The following PI4KA variants were observed in gnomAD, a reference collection of about 807,000 sequenced individuals.
PI4KA encodes phosphatidylinositol 4-kinase alpha, also known as PI4-kinase alpha.
PI4KA carries 122 observed loss-of-function variants against 271.4 expected under a neutral mutation model. The ratio of observed to expected loss-of-function variants is 0.45; its 90% CI spans 0.39 to 0.52. The LOEUF is 0.52. PI4KA is among the 20% of genes least tolerant of loss of function. The probability of loss-of-function intolerance (pLI) is 0.00; values close to 1 mark genes in which losing one functional copy is unlikely to be tolerated. For synonymous variants in PI4KA, 1,041 were observed against 1,078.8 expected (o/e 0.96, Z 0.69); for missense variants, 1,969 against 2,769.1 (o/e 0.71, Z 6.48).
intron 45 of PI4KA, among the ~76,000 whole-genome samples, chr22:20,716,525 G>C (rs941820067): frequency 3.3e-5 from 5 of 152,270 alleles, no homozygotes; most frequent in African/African-American, 1.2e-4. Flanking sequence ...TACAGGGAGA[G>C]GGGGGCATGC....
At chr22:20,729,824 C>T (rs1927800821) in intron 37 of PI4KA, 68 bp downstream of exon 37, 1 of 1,605,120 alleles carries the variant, frequency 6.2e-7, no homozygotes, top group Non-Finnish European at 8.5e-7. Context: ...AGCAAGTGTC[C>T]ATCAAGCAGC....
At position 20,819,716 on chromosome 22, in the gene PI4KA, G is replaced by A. The variant is rs1351299098; in HGVS notation, c.714C>T (p.Leu238=). The change falls in exon 6 of 55, where the codon CTC becomes CTT. Residue 238 remains leucine (L), a synonymous_variant. Coordinates refer to ENST00000255882, the MANE Select transcript of PI4KA (RefSeq NM_058004.4). The part of the protein sequence containing the change: ...RRSFNDFRSI[L]PSNLLTVCQE... ...GACAGACAGTCAGCAGATTGCTGGG[G>A]AGGATGGAGCGGAAGTCATTAAAGG... 1 of 1,614,068 alleles carries A rather than the reference G, an allele frequency of 6.2e-7. No homozygotes were observed. The highest frequency in any genetic ancestry group is 1.1e-5 in the South Asian group (1 of 91,078).
chr22:20,797,441 A>T (rs768791301), intron 17 of PI4KA, among the ~76,000 whole-genome samples: 38 of 152,142 alleles, frequency 2.5e-4, no homozygotes, highest in Admixed American at 5.2e-4. Flanking sequence ...GCAGTCACAT[A>T]GGCGCAAGGA....
intron 1 of PI4KA, among the ~76,000 whole-genome samples, chr22:20,839,702 C>T (rs980163754): frequency 7.9e-5 from 12 of 152,050 alleles, no homozygotes; most frequent in African/African-American, 1.9e-4. Context: ...TGGTGGCGAG[C>T]GGCTGTAATC....
At chr22:20,759,816 C>T (rs1931767085) in intron 23 of PI4KA, among the ~76,000 whole-genome samples, 1 of 152,124 alleles carries the variant, frequency 6.6e-6, no homozygotes, top group South Asian at 2.1e-4. Context: ...CTGCCTGCCT[C>T]GGCCTCTCAA....
rs751361461 is a variant in PI4KA, at chr22:20,747,566, A to G, written c.3363+17T>C. On this transcript the variant is annotated intron_variant, in intron 29 of 54. Coordinates refer to ENST00000255882, the MANE Select transcript of PI4KA (RefSeq NM_058004.4). ...ATGGTCTAAGGGGTCACTGCTCTTC[A>G]GAAGGCTCGCACATACCCCAAGAGT... 6.2e-7 allele frequency: 1 copy of G among 1,613,236 alleles called. No individual in the cohort carries two copies. The highest frequency in any genetic ancestry group is 1.3e-5 in the African/African-American group (1 of 74,998).
At chr22:20,779,900 G>A (rs779787852) in intron 19 of PI4KA, 83 of 1,614,026 alleles carry the variant, frequency 5.1e-5, no homozygotes, top group Admixed American at 6.7e-5. Context: ...ATGAAATCAC[G>A]ACCATTCATA....
At chr22:20,808,778 A>G (rs1346384981) in intron 9 of PI4KA, among the ~76,000 whole-genome samples, 1 of 151,756 alleles carries the variant, frequency 6.6e-6, no homozygotes, top group Non-Finnish European at 1.5e-5. Context: ...TCCTGGGCTC[A>G]AGTGATCCTC....
At chr22:20,833,018 A>G (rs563628767) in intron 3 of PI4KA, among the ~76,000 whole-genome samples, 2 of 152,110 alleles carry the variant, frequency 1.3e-5, no homozygotes, top group South Asian at 4.2e-4. Flanking sequence ...TTCATTGGCT[A>G]ATGTTCTTTC....
rs1186450931 is a variant in PI4KA at position 20,811,118 on chromosome 22, C to T, written c.1006-86G>A. 6 of 965,734 alleles carry T rather than the reference C, an allele frequency of 6.2e-6. No individual in the cohort carries two copies. In the Admixed American group the frequency reaches 8.6e-5, roughly 14 times the overall value. The allele number at this position is 965,734 out of a possible 1,614,324, so 59.8% of individuals were successfully genotyped here. On this transcript the variant is annotated intron_variant, in intron 8 of 54. Transcript: ENST00000255882. ...CCTTCTACCGAAAACCCATGACAAA[C>T]TCACATGGTGAAAAATGTGATGCAG...
chr22:20,753,688 T>C (rs1265157889), intron 23 of PI4KA, among the ~76,000 whole-genome samples: 1 of 152,164 alleles, frequency 6.6e-6, no homozygotes, highest in Non-Finnish European at 1.5e-5. Context: ...CCTTTCTTTT[T>C]TCTTTCTCTT....
chr22:20,798,817 C>A, intron 16 of PI4KA, 130 bp from the exon 17 acceptor site: 1 of 694,192 alleles, frequency 1.4e-6, no homozygotes, highest in Non-Finnish European at 2.5e-6. Context: ...AAAGATCATC[C>A]ATTTCTAAAG....
intron 1 of PI4KA, 77 bp from the exon 2 acceptor site, chr22:20,838,808 T>C: frequency 1.2e-6 from 1 of 828,832 alleles, no homozygotes; most frequent in East Asian, 2.5e-5. Context: ...CTGAGTGCAG[T>C]GTCATATGCC....
At chr22:20,788,090 G>C (rs534035636) in intron 19 of PI4KA, among the ~76,000 whole-genome samples, 1 of 152,326 alleles carries the variant, frequency 6.6e-6, no homozygotes, top group Non-Finnish European at 1.5e-5. Context: ...AATCCACAGA[G>C]GCTGTTCAGC....
At chr22:20,827,412 T>C (rs574108951) in intron 3 of PI4KA, among the ~76,000 whole-genome samples, 1 of 151,914 alleles carries the variant, frequency 6.6e-6, no homozygotes, top group African/African-American at 2.4e-5. Context: ...CTATGTGCTA[T>C]TTTTTTTACC....
At chr22:20,806,344 C>T (rs564473717) in intron 10 of PI4KA, among the ~76,000 whole-genome samples, 10 of 152,050 alleles carry the variant, frequency 6.6e-5, no homozygotes, top group Non-Finnish European at 1.0e-4. Context: ...GAAGAAAATG[C>T]TAAATTGTTG....
intron 32 of PI4KA, 75 bp from the exon 33 acceptor site, chr22:20,734,628 A>G: frequency 7.2e-7 from 1 of 1,383,026 alleles, no homozygotes; most frequent in Non-Finnish European, 1.0e-6. Flanking sequence ...CTCTAATTAA[A>G]AAAAGGAACA....
At chr22:20,777,976 C>T (rs1420588167) in intron 19 of PI4KA, among the ~76,000 whole-genome samples, 1 of 152,172 alleles carries the variant, frequency 6.6e-6, no homozygotes, top group East Asian at 1.9e-4. Flanking sequence ...TAAGAGCTTG[C>T]TGACATCACC....
At chr22:20,771,493 A>G (rs904633728) in intron 19 of PI4KA, among the ~76,000 whole-genome samples, 4 of 152,194 alleles carry the variant, frequency 2.6e-5, no homozygotes, top group Non-Finnish European at 5.9e-5. Context: ...CAATGTCAAG[A>G]GGGACTGAAA....
Sources: allele counts gnomAD v4.1 joint callset (sites outside exome capture counted in the v4.1 genomes callset), GRCh38; gene constraint gnomAD v4.1.1; transcripts MANE v1.5; gene names NCBI Gene and HGNC (gene_info 2026-07-23, HGNC 2026-07-21).